Variants in SLC25A21 observed in about 807,000 individuals in gnomAD.
The protein encoded by SLC25A21 is mitochondrial 2-oxodicarboxylate carrier.
Under a neutral mutation model 43.8 loss-of-function variants are expected in SLC25A21, and 47 were observed. That is an observed-to-expected ratio of 1.07 (90% CI 0.85 to 1.37). SLC25A21 has a LOEUF of 1.37. SLC25A21 is among the 40% of genes most tolerant of loss of function. The probability of loss-of-function intolerance (pLI) is 0.00; values close to 1 mark genes in which losing one functional copy is unlikely to be tolerated. For synonymous variants in SLC25A21, 131 were observed against 121.3 expected, an observed-to-expected ratio of 1.08 and a Z score of -0.52; for missense variants, 352 against 350.2, an observed-to-expected ratio of 1.00 and a Z score of -0.04.
intron 7 of SLC25A21, among the ~76,000 whole-genome samples, chr14:36,699,623 C>T (rs549331849): frequency 1.6e-4 from 24 of 152,282 alleles, no homozygotes; most frequent in African/African-American, 4.3e-4. Flanking sequence ...GCTTCCTGGC[C>T]GCTTTGTTTA....
intron 3 of SLC25A21, among the ~76,000 whole-genome samples, chr14:36,780,840 A>G (rs951147634): frequency 6.6e-6 from 1 of 152,108 alleles, no homozygotes; most frequent in East Asian, 1.9e-4. Flanking sequence ...GTTAGGTCTA[A>G]TTGGTTTAAA....
At chr14:37,114,023 G>A (rs1175500350) in intron 1 of SLC25A21, among the ~76,000 whole-genome samples, 2 of 152,060 alleles carry the variant, frequency 1.3e-5, no homozygotes, top group Admixed American at 6.5e-5. Flanking sequence ...AAAAGTAGTA[G>A]AGAAAAATAG....
intron 1 of SLC25A21, among the ~76,000 whole-genome samples, chr14:37,013,639 T>C (rs1377549356): frequency 4.6e-5 from 7 of 152,182 alleles, no homozygotes; most frequent in Non-Finnish European, 5.9e-5. Context: ...AAAGTACAAC[T>C]GGTGATTTTT....
chr14:37,084,178 G>A (rs750540885), intron 1 of SLC25A21, among the ~76,000 whole-genome samples: 12 of 152,066 alleles, frequency 7.9e-5, no homozygotes, highest in Admixed American at 2.6e-4. Context: ...CCCACCTTAT[G>A]TCCTACCATG....
intron 1 of SLC25A21, among the ~76,000 whole-genome samples, chr14:37,153,482 G>C (rs2138937629): frequency 6.6e-6 from 1 of 152,340 alleles, no homozygotes; most frequent in East Asian, 1.9e-4. Flanking sequence ...TTGCTGGTGG[G>C]ACTTGGTTGC....
chr14:36,688,107 C>T (rs1882632382), intron 7 of SLC25A21, among the ~76,000 whole-genome samples: 1 of 152,180 alleles, frequency 6.6e-6, no homozygotes, highest in Non-Finnish European at 1.5e-5. Flanking sequence ...CAAGCACTTT[C>T]CCAACTCCAC....
At chr14:37,169,606 C>CACACACACACAG (rs1435857135) in intron 1 of SLC25A21, among the ~76,000 whole-genome samples, 1 of 151,428 alleles carries the variant, frequency 6.6e-6, no homozygotes, top group African/African-American at 2.4e-5. Flanking sequence ...CACACACACA[C>CACACACACACAG]AGAAGTGTTG....
At chr14:37,069,199 G>A (rs1195918132) in intron 1 of SLC25A21, among the ~76,000 whole-genome samples, 1 of 151,820 alleles carries the variant, frequency 6.6e-6, no homozygotes, top group Non-Finnish European at 1.5e-5. Context: ...AAAACTTAAG[G>A]TACTTCTCTT....
At chr14:37,168,527 C>T (rs555326931) in intron 1 of SLC25A21, among the ~76,000 whole-genome samples, 2 of 151,956 alleles carry the variant, frequency 1.3e-5, no homozygotes, top group Non-Finnish European at 2.9e-5. Context: ...CCCTGAGGTT[C>T]CCCACCTCAC....
intron 1 of SLC25A21, among the ~76,000 whole-genome samples, chr14:37,111,785 C>T (rs184107932): frequency 4.2e-4 from 64 of 152,158 alleles, no homozygotes; most frequent in African/African-American, 1.4e-3. Context: ...CAACCTAAAA[C>T]AAAATTAAGT....
intron 2 of SLC25A21, among the ~76,000 whole-genome samples, chr14:36,853,659 T>C (rs1260436596): frequency 3.3e-5 from 5 of 152,206 alleles, no homozygotes; most frequent in Non-Finnish European, 5.9e-5. Context: ...TAGTTGGTTA[T>C]ACAGAAAAAC....
In SLC25A21 at chr14:37,105,635, C is replaced by A. The variant is rs150364181; in HGVS notation, c.70+66646G>T. 5.3e-5 allele frequency among the ~76,000 whole-genome samples: 8 copies of A among 152,180 alleles called. No individual in the cohort carries two copies. In the East Asian group the frequency reaches 1.2e-3, roughly 22 times the overall value. ...GGCTATCCATTCCAAAAGGTGAAAG[C>A]AGATATCCTGAGTTAGTAATATTAA... On this transcript the variant is annotated intron_variant, in intron 1 of 9. Coordinates refer to ENST00000331299, the MANE Select transcript of SLC25A21 (RefSeq NM_030631.4).
intron 2 of SLC25A21, among the ~76,000 whole-genome samples, chr14:36,856,720 T>C (rs1261947360): frequency 6.6e-6 from 1 of 152,196 alleles, no homozygotes; most frequent in African/African-American, 2.4e-5. Context: ...GGCTATCCAT[T>C]GAGCAATTCT....
intron 1 of SLC25A21, among the ~76,000 whole-genome samples, chr14:36,989,877 T>C (rs912102386): frequency 2.0e-5 from 3 of 150,228 alleles, no homozygotes; most frequent in African/African-American, 5.0e-5. Flanking sequence ...AGCATATGAC[T>C]TTCCTTTTCA....
At chr14:36,787,720 T>G (rs1019493582) in intron 3 of SLC25A21, among the ~76,000 whole-genome samples, 1 of 152,254 alleles carries the variant, frequency 6.6e-6, no homozygotes, top group East Asian at 1.9e-4. Context: ...TAATAAGGAG[T>G]CTTTAAAAAT....
intron 1 of SLC25A21, among the ~76,000 whole-genome samples, chr14:36,903,503 C>T (rs1404133445): frequency 6.7e-6 from 1 of 149,606 alleles, no homozygotes; most frequent in Non-Finnish European, 1.5e-5. Flanking sequence ...ATCCCAGCTA[C>T]TCGGGAGGCT....
At chr14:36,719,522 C>G (rs1165052656) in intron 6 of SLC25A21, among the ~76,000 whole-genome samples, 2 of 152,192 alleles carry the variant, frequency 1.3e-5, no homozygotes, top group Admixed American at 1.3e-4. Context: ...GATTACTTTG[C>G]TCCCCACAGA....
intron 4 of SLC25A21, among the ~76,000 whole-genome samples, chr14:36,731,915 C>A (rs1432874890): frequency 1.3e-5 from 2 of 152,172 alleles, no homozygotes; most frequent in African/African-American, 2.4e-5. Flanking sequence ...AGTTTCCCCT[C>A]CCTGTCCCGG....
intron 1 of SLC25A21, among the ~76,000 whole-genome samples, chr14:37,057,442 T>C (rs1372653808): frequency 2.6e-5 from 4 of 152,206 alleles, no homozygotes; most frequent in African/African-American, 9.7e-5. Context: ...TGGAGGATTT[T>C]CACAATTTCT....
Sources: allele counts gnomAD v4.1 joint callset (sites outside exome capture counted in the v4.1 genomes callset), GRCh38; gene constraint gnomAD v4.1.1; transcripts MANE v1.5; gene names NCBI Gene and HGNC (gene_info 2026-07-23, HGNC 2026-07-21).